U2AF2: variants seen among roughly 807,000 people sequenced by gnomAD.
The protein encoded by U2AF2 is splicing factor U2AF 65 kDa subunit.
A neutral mutation model predicts 52.6 loss-of-function variants in U2AF2; 6 were observed. The ratio of observed to expected loss-of-function variants is 0.11; its 90% CI spans 0.06 to 0.23. The LOEUF (loss-of-function observed/expected upper bound fraction) is 0.23, where lower values mean the gene tolerates loss of function less well. U2AF2 is among the 10% of genes least tolerant of loss of function. The pLI is 1.00. For synonymous variants in U2AF2, 284 were observed against 258.2 expected (o/e 1.10, Z -0.96); for missense variants, 222 against 677.1 (o/e 0.33, Z 7.46).
At chr19:55,665,939 G>A (rs987818072) in intron 7 of U2AF2, among the ~76,000 whole-genome samples, 11 of 152,336 alleles carry the variant, frequency 7.2e-5, no homozygotes, top group Middle Eastern at 3.4e-3. Flanking sequence ...CACTGCTCCC[G>A]GCCACTGCCT....
At chr19:55,670,472 C>A (rs1984834689) in intron 11 of U2AF2, among the ~76,000 whole-genome samples, 1 of 151,042 alleles carries the variant, frequency 6.6e-6, no homozygotes, top group Non-Finnish European at 1.5e-5. Context: ...CTGTCCCGTG[C>A]ACCCTGCTGT....
chr19:55,656,015 C>G (rs960041793), intron 1 of U2AF2, among the ~76,000 whole-genome samples: 2 of 152,194 alleles, frequency 1.3e-5, no homozygotes, highest in East Asian at 3.8e-4. Context: ...GAAGAGGGAT[C>G]TGGCCCACTG....
At chr19:55,659,965 C>T (rs1023844771) in intron 2 of U2AF2, among the ~76,000 whole-genome samples, 1 of 152,148 alleles carries the variant, frequency 6.6e-6, no homozygotes, top group Non-Finnish European at 1.5e-5. Context: ...TCCTTCCTGG[C>T]CCCTGGCCCC....
intron 7 of U2AF2, among the ~76,000 whole-genome samples, chr19:55,666,211 T>C (rs770602301): frequency 3.6e-4 from 55 of 152,194 alleles, no homozygotes; most frequent in Admixed American, 1.7e-3. Context: ...CTGGTCACCA[T>C]GGGAGGGGAC....
chr19:55,664,149 G>T (rs310441), intron 7 of U2AF2: 153,474 of 182,956 alleles, frequency 0.84, 65,743 homozygotes, highest in Non-Finnish European at 0.92. Context: ...TGGCACCTGG[G>T]TATTCACTTG....
chr19:55,661,055 G>T lies in U2AF2; in HGVS notation c.352G>T (p.Ala118Ser). 1 of 1,588,068 alleles carries T rather than the reference G, an allele frequency of 6.3e-7. No individual in the cohort carries two copies. Among genetic ancestry groups the T allele is most frequent in the Non-Finnish European group, 8.6e-7 (1 of 1,160,162 alleles). ...CTTTGAAGCTGCGGGTCAGATTCCAGCCACTGCTCTTCTCCCCACCATGAC... is the reference window on the plus strand; with the variant it reads ...CTTTGAAGCTGCGGGTCAGATTCCATCCACTGCTCTTCTCCCCACCATGAC... ...KAMQAAGQIP[A>S]TALLPTMTPD... The change falls in exon 5 of 12, where the codon GCC (alanine) becomes TCC (serine). Residue 118 changes from alanine (A) to serine (S), a missense_variant. Transcript: ENST00000308924.
chr19:55,656,020 C>T (rs1403001761), intron 1 of U2AF2, among the ~76,000 whole-genome samples: 1 of 152,132 alleles, frequency 6.6e-6, no homozygotes, highest in Non-Finnish European at 1.5e-5. Flanking sequence ...GGGATCTGGC[C>T]CACTGCGCTA....
intron 1 of U2AF2, among the ~76,000 whole-genome samples, chr19:55,656,570 C>T (rs1429338468): frequency 6.6e-6 from 1 of 152,140 alleles, no homozygotes; most frequent in African/African-American, 2.4e-5. Context: ...ATGATAGTAA[C>T]GATAGATGTA....
chr19:55,655,861 T>C (rs1212891155), intron 1 of U2AF2, among the ~76,000 whole-genome samples: 1 of 152,268 alleles, frequency 6.6e-6, no homozygotes, highest in Non-Finnish European at 1.5e-5. Context: ...ATCCTGCATA[T>C]GCGGGGCTTT....
intron 2 of U2AF2, 117 bp downstream of exon 2, chr19:55,659,462 G>A (rs1364615195): frequency 1.5e-4 from 190 of 1,265,666 alleles, no homozygotes; most frequent in Admixed American, 3.5e-4. Context: ...TGGCTCGTTC[G>A]TTCTTTGTGT....
chr19:55,667,159 G>A (rs532293074), intron 7 of U2AF2, among the ~76,000 whole-genome samples: 163 of 152,256 alleles, frequency 1.1e-3, no homozygotes, highest in Non-Finnish European at 7.2e-4. Flanking sequence ...TGGGGGCAGC[G>A]TCATCATGGG....
intron 1 of U2AF2, among the ~76,000 whole-genome samples, chr19:55,656,972 C>T (rs562263222): frequency 2.0e-5 from 3 of 152,314 alleles, no homozygotes; most frequent in South Asian, 2.1e-4. Context: ...AGATACGACC[C>T]TCGTTTAAAG....
intron 7 of U2AF2, among the ~76,000 whole-genome samples, chr19:55,667,139 T>C (rs1210743492): frequency 6.6e-6 from 1 of 152,092 alleles, no homozygotes. Flanking sequence ...GGTTGGTGCT[T>C]CCAGTTCTGT....
At chr19:55,663,573 C>A (rs374481164) in intron 6 of U2AF2, 33 bp from the exon 7 acceptor site, 35 of 1,607,576 alleles carry the variant, frequency 2.2e-5, no homozygotes, top group Non-Finnish European at 2.9e-5. Flanking sequence ...TCCCTGACCC[C>A]CATCCCTCAC....
intron 5 of U2AF2, chr19:55,662,235 C>T (rs1042582515): frequency 2.7e-5 from 10 of 369,948 alleles, no homozygotes; most frequent in African/African-American, 1.8e-4. Flanking sequence ...TTTTTGGGGC[C>T]CCTGTGGCTG....
rs971083009 is a variant in U2AF2 at position 55,674,652 on chromosome 19, C to G, written c.*584C>G. 1 of 152,784 alleles carries G rather than the reference C, an allele frequency of 6.5e-6. No homozygotes were observed. The highest frequency in any genetic ancestry group is 2.4e-5 in the African/African-American group (1 of 41,456). The allele number at this position is 152,784 out of a possible 1,614,324, so 9.5% of individuals were successfully genotyped here. A position where few individuals can be genotyped will look rare whatever the true frequency, so the allele number is the denominator to read the frequency against. On this transcript the variant is annotated 3_prime_UTR_variant, in exon 12 of 12. Coordinates refer to ENST00000308924, the MANE Select transcript of U2AF2 (RefSeq NM_007279.3). Reference sequence around the variant, plus strand: ...GTGGCCCCTGCCCCTCTCCTACTCTCTGTGGCAGTTTCATATTTGCTAAGA... The same window carrying G: ...GTGGCCCCTGCCCCTCTCCTACTCTGTGTGGCAGTTTCATATTTGCTAAGA...
At chr19:55,660,653 A>C in intron 4 of U2AF2, 34 bp downstream of exon 4, 1 of 1,591,576 alleles carries the variant, frequency 6.3e-7, no homozygotes, top group Non-Finnish European at 8.6e-7. Flanking sequence ...CCAGAGCGGG[A>C]GGGTACAGGG....
intron 7 of U2AF2, among the ~76,000 whole-genome samples, chr19:55,667,664 T>C (rs1411824421): frequency 6.6e-6 from 1 of 152,170 alleles, no homozygotes. Flanking sequence ...CTGCGGATGC[T>C]GTTCTGAGAC....
intron 7 of U2AF2, 26 bp downstream of exon 7, chr19:55,663,770 C>G: frequency 6.2e-7 from 1 of 1,613,410 alleles, no homozygotes; most frequent in Non-Finnish European, 8.5e-7. Flanking sequence ...ATTAAGGGCC[C>G]CTTTCTCCCC....
Sources: allele counts gnomAD v4.1 joint callset (sites outside exome capture counted in the v4.1 genomes callset), GRCh38; gene constraint gnomAD v4.1.1; transcripts MANE v1.5; gene names NCBI Gene and HGNC (gene_info 2026-07-23, HGNC 2026-07-21).